UMODL1: variants seen among roughly 807,000 people sequenced by gnomAD.
The protein encoded by UMODL1 is uromodulin-like 1.
UMODL1 carries 128 observed loss-of-function variants against 136.3 expected under a neutral mutation model. The observed-to-expected ratio is 0.94, with a 90% confidence interval of 0.81 to 1.09. The LOEUF (loss-of-function observed/expected upper bound fraction) is 1.09, where lower values mean the gene tolerates loss of function less well. UMODL1 is among the 50% of genes least tolerant of loss of function. The pLI, the probability that UMODL1 is intolerant of heterozygous loss-of-function variation, is 0.00. For synonymous variants in UMODL1, 721 were observed against 720.0 expected (o/e 1.00, Z -0.02); for missense variants, 1,766 against 1,725.6 (o/e 1.02, Z -0.41).
chr21:42,109,456 G>A lies in UMODL1; in HGVS notation c.1520-106G>A. The A allele has an allele frequency of 5.3e-6, 8 of 1,511,676 alleles. No individual in the cohort carries two copies. The Admixed American group carries it at 8.6e-5, about 16-fold the overall frequency. The allele number at this position is 1,511,676 out of a possible 1,614,324, so 93.6% of individuals were successfully genotyped here. Reference sequence around the variant, plus strand: ...CCCCAAAATGCCCCTGCTCCCGGCCGTTCACTGCAAAGACGGCTAGGAAGG... The same window carrying A: ...CCCCAAAATGCCCCTGCTCCCGGCCATTCACTGCAAAGACGGCTAGGAAGG... On this transcript the variant is annotated intron_variant, in intron 9 of 22. Transcript: ENST00000408910.
rs190697525 is a variant in UMODL1, at chr21:42,127,550, G to A, written c.3531-122G>A. 8.6e-4 allele frequency: 1,039 copies of A among 1,211,916 alleles called. 4 individuals are homozygous for A. Among genetic ancestry groups the A allele is most frequent in the Admixed American group, 1.8e-3 (63 of 35,694 alleles). 75.1% of individuals were successfully genotyped at this position (1,211,916 alleles called of 1,614,324 possible). On this transcript the variant is annotated intron_variant, in intron 19 of 22. Coordinates refer to ENST00000408910, the MANE Select transcript of UMODL1 (RefSeq NM_001004416.3). ...GGAACAAATGAGGTGCCCGGTCCTC[G>A]ACTTCCACGGAGCCTGTGGAATCTG...
At position 42,090,385 on chromosome 21, in the gene UMODL1, G is replaced by A. The variant is rs1375229778; in HGVS notation, c.878G>A (p.Cys293Tyr). Residue 293 changes from cysteine to tyrosine, a missense_variant, in exon 6 of 23, where the codon TGT (cysteine) becomes TAT (tyrosine). By Grantham distance (194) the Cys-to-Tyr change is radical. Transcript: ENST00000408910. Reference protein sequence around the residue: ...ANLEGSYWCVCHQEAPATSPR... With the variant: ...ANLEGSYWCVYHQEAPATSPR... The stretch of plus-strand genomic sequence containing the variant: ...CTGGAGGGCTCGTACTGGTGCGTCT[G>A]TCACCAGGAAGCTCCAGCCACGTCT... 1 of 1,614,084 alleles carries A rather than the reference G, an allele frequency of 6.2e-7. No individual in the cohort carries two copies. Among genetic ancestry groups the A allele is most frequent in the Non-Finnish European group, 8.5e-7 (1 of 1,179,976 alleles).
rs756781324 is a variant in UMODL1, at chr21:42,127,186, G to A, written c.3474G>A (p.Trp1158Ter). ...SNLKVVLTECWATPSSNARDP... is the reference protein window; with the variant it reads ...SNLKVVLTEC ...TCAAGGTGGTCCTGACGGAGTGCTG[G>A]GCAACCCCGTCTAGCAACGCCCGGG... The change falls in exon 19 of 23, where the codon TGG becomes TGA. Residue 1158 changes from tryptophan to a stop codon, truncating the protein, a stop_gained. Transcript: ENST00000408910. LOFTEE classifies it high-confidence loss of function. 2 of 1,614,076 alleles carry A rather than the reference G, an allele frequency of 1.2e-6. No individual in the cohort carries two copies. The highest frequency in any genetic ancestry group is 1.7e-6 in the Non-Finnish European group (2 of 1,180,032).
Position 42,085,073 on chromosome 21 carries a change from C to G in UMODL1, c.482-218C>G, listed in dbSNP as rs915145983. Reference sequence around the variant, plus strand: ...GCCCAGCTCACCTCTGAGCAGGGATCGGTGGTCTTCAGGGACATTAGGATG... The same window carrying G: ...GCCCAGCTCACCTCTGAGCAGGGATGGGTGGTCTTCAGGGACATTAGGATG... On this transcript the variant is annotated intron_variant, in intron 3 of 22. Transcript: ENST00000408910. The surrounding 1 kb of genome is among the most constrained non-coding windows in gnomAD (Gnocchi z 4.5). Among the ~76,000 whole-genome samples the G allele has an allele frequency of 1.3e-5, 2 of 152,050 alleles. No individual in the cohort carries two copies. Among genetic ancestry groups the G allele is most frequent in the Non-Finnish European group, 2.9e-5 (2 of 68,022 alleles).
chr21:42,101,365 C>T (rs1054282347), intron 7 of UMODL1, among the ~76,000 whole-genome samples: 1 of 152,098 alleles, frequency 6.6e-6, no homozygotes, highest in African/African-American at 2.4e-5. Flanking sequence ...ACAGGGGCCC[C>T]AACTGGGAAA....
intron 4 of UMODL1, among the ~76,000 whole-genome samples, chr21:42,087,656 C>T (rs1337461930): frequency 2.6e-5 from 4 of 152,204 alleles, no homozygotes; most frequent in African/African-American, 9.7e-5. Flanking sequence ...AAGAGACCTG[C>T]AGTCTTGGCA....
At position 42,142,953 on chromosome 21, in the gene UMODL1, C is replaced by G. The variant is rs1330957292; in HGVS notation, c.*879C>G. ...TTACATCATCCTAAGAGATAATGCT[C>G]TGTACTTCATTTGAAATAAACTGGA... is the stretch of plus-strand genomic sequence containing the variant. On this transcript the variant is annotated 3_prime_UTR_variant, in exon 23 of 23. Transcript: ENST00000408910. The G allele has an allele frequency of 1.3e-5, 2 of 152,182 alleles. No individual in the cohort carries two copies. The highest frequency in any genetic ancestry group is 2.9e-5 in the Non-Finnish European group (2 of 68,036). 9.4% of individuals were successfully genotyped at this position (152,182 alleles called of 1,614,324 possible).
chr21:42,137,325 C>A, intron 21 of UMODL1, 114 bp from the exon 22 acceptor site: 2 of 1,324,788 alleles, frequency 1.5e-6, no homozygotes, highest in Non-Finnish European at 2.1e-6. Context: ...CACACGTGGG[C>A]CTTGCATTCC....
chr21:42,096,522 A>G (rs966201351), intron 6 of UMODL1, among the ~76,000 whole-genome samples: 4 of 152,196 alleles, frequency 2.6e-5, no homozygotes, highest in African/African-American at 9.7e-5. Context: ...TTCTTTTCAA[A>G]TAAGTACGGG....
chr21:42,066,797 C>T (rs560504846), upstream of UMODL1, among the ~76,000 whole-genome samples: 1 of 152,316 alleles, frequency 6.6e-6, no homozygotes, highest in East Asian at 1.9e-4. Context: ...AACACGCATG[C>T]AGTTAGTTGT....
intron 20 of UMODL1, among the ~76,000 whole-genome samples, chr21:42,128,886 A>G (rs1222073493): frequency 1.3e-5 from 2 of 152,180 alleles, no homozygotes; most frequent in Non-Finnish European, 2.9e-5. Flanking sequence ...ACGTACCACA[A>G]ACTGAGCGGC....
intron 1 of UMODL1, among the ~76,000 whole-genome samples, chr21:42,074,187 C>T (rs966652271): frequency 7.2e-5 from 11 of 152,188 alleles, no homozygotes; most frequent in Admixed American, 2.0e-4. Flanking sequence ...GTCTCTGCTC[C>T]GGGCCTCCAG....
At chr21:42,116,671 T>G (rs2146516888) in intron 14 of UMODL1, among the ~76,000 whole-genome samples, 1 of 152,254 alleles carries the variant, frequency 6.6e-6, no homozygotes, top group Non-Finnish European at 1.5e-5. Context: ...CCATAAAATC[T>G]ACTTTTAAAC....
At chr21:42,141,497 C>A (rs943967412) in intron 22 of UMODL1, among the ~76,000 whole-genome samples, 1 of 152,202 alleles carries the variant, frequency 6.6e-6, no homozygotes, top group African/African-American at 2.4e-5. Flanking sequence ...AGCGATGAGG[C>A]CAACACTATC....
upstream of UMODL1, among the ~76,000 whole-genome samples, chr21:42,067,133 C>A (rs1301797217): frequency 1.3e-5 from 2 of 152,096 alleles, no homozygotes; most frequent in Admixed American, 6.5e-5. Flanking sequence ...GCCACCACAC[C>A]TGGCTAATTT....
In UMODL1 at chr21:42,110,896, C is replaced by A. The variant is rs765740165; in HGVS notation, c.1674C>A (p.Pro558=). 6.2e-7 allele frequency: 1 copy of A among 1,608,308 alleles called. No homozygotes were observed. The highest frequency in any genetic ancestry group is 8.5e-7 in the Non-Finnish European group (1 of 1,178,020). The part of the protein sequence containing the change: ...GRACEGDLVS[P]MGGGLSAATG... The stretch of plus-strand genomic sequence containing the variant: ...TCTTGGCAGGTGACCTGGTGAGCCC[C>A]ATGGGCGGTGGACTGTCTGCGGCAA... The change falls in exon 11 of 23, where the codon CCC becomes CCA. Residue 558 remains proline (P), a synonymous_variant. Transcript: ENST00000408910.
chr21:42,122,470 C>T lies in UMODL1; in HGVS notation c.2828-361C>T, dbSNP rs1240204577. ...GGCACATCCCCGGCATCAGGTCCCT[C>T]GGTCCTTGGCCCTCGGGGGCCCATG... On this transcript the variant is annotated intron_variant, in intron 16 of 22. Transcript: ENST00000408910. The surrounding 1 kb of genome is among the most constrained non-coding windows in gnomAD (Gnocchi z 4.3). 6.6e-6 allele frequency among the ~76,000 whole-genome samples: 1 copy of T among 152,194 alleles called. No homozygotes were observed. The highest frequency in any genetic ancestry group is 2.4e-5 in the African/African-American group (1 of 41,450).
chr21:42,085,736 GC>G lies in UMODL1; in HGVS notation c.603+328del, dbSNP rs2066419267. ...TGCAGTCCCAGCAAAGACAGCCTAA[GC>G]CCCGAGCTCTTCCCTCACCACCCTC... On this transcript the variant is annotated intron_variant, in intron 4 of 22. Transcript: ENST00000408910. This position sits in a 1 kb window ranked among gnomAD's most constrained non-coding sequence, Gnocchi z 4.5. Among the ~76,000 whole-genome samples the G allele has an allele frequency of 6.6e-6, 1 of 152,152 alleles. No homozygotes were observed. Among genetic ancestry groups the G allele is most frequent in the Admixed American group, 6.5e-5 (1 of 15,278 alleles).
At position 42,113,657 on chromosome 21, in the gene UMODL1, A is replaced by AAG. The variant is rs2066866160; in HGVS notation, c.2189_2190insAG (p.Asp730GlufsTer9). 1 of 1,613,494 alleles carries AAG rather than the reference A, an allele frequency of 6.2e-7. No homozygotes were observed. The highest frequency in any genetic ancestry group is 8.5e-7 in the Non-Finnish European group (1 of 1,179,954). On this transcript the variant is annotated frameshift_variant, in exon 13 of 23. Transcript: ENST00000408910. LOFTEE classifies it high-confidence loss of function. ...GCATGGGAGGCGGATCTTGCTATGGACTCCACCTTCCAGCTCACTCTGACT... is the reference window on the plus strand; with the variant it reads ...GCATGGGAGGCGGATCTTGCTATGGAAGCTCCACCTTCCAGCTCACTCTGACT...
Sources: gnomAD v4.1 joint callset for allele counts (sites outside exome capture counted in the v4.1 genomes callset) on GRCh38, gnomAD v4.1.1 for gene constraint, Gnocchi (gnomAD v3.1) non-coding constraint, MANE v1.5 for transcripts, NCBI Gene and HGNC (gene_info 2026-07-23, HGNC 2026-07-21) for gene names.